Variants in DPY19L4 observed in about 807,000 individuals in gnomAD.
The protein encoded by DPY19L4 is dpy-19 like 4.
A neutral mutation model predicts 102.8 loss-of-function variants in DPY19L4; 97 were observed. The observed-to-expected ratio is 0.94, with a 90% CI of 0.80 to 1.12. DPY19L4 has a LOEUF of 1.12. Ranked by LOEUF, DPY19L4 falls within the 50% of genes most tolerant of loss-of-function variation. The pLI, the probability that DPY19L4 is intolerant of heterozygous loss-of-function variation, is 0.00. For missense variants in DPY19L4, 815 were observed against 850.4 expected (o/e 0.96, Z 0.52); for synonymous variants, 252 against 283.1 (o/e 0.89, Z 1.10).
At chr8:94,774,980 G>A (rs989259710) in intron 13 of DPY19L4, among the ~76,000 whole-genome samples, 29 of 152,074 alleles carry the variant, frequency 1.9e-4, no homozygotes, top group African/African-American at 6.8e-4. Context: ...TTAATGTCAC[G>A]TCATCAAATT....
At chr8:94,769,309 G>C (rs1007675277) in intron 12 of DPY19L4, among the ~76,000 whole-genome samples, 1 of 152,046 alleles carries the variant, frequency 6.6e-6, no homozygotes, top group Middle Eastern at 3.4e-3. Flanking sequence ...TGATCCACCC[G>C]TCTTGGCCTC....
intron 6 of DPY19L4, among the ~76,000 whole-genome samples, chr8:94,747,272 C>T (rs4734286): frequency 0.1 from 15,765 of 151,878 alleles, 923 homozygotes; most frequent in Non-Finnish European, 0.13. Context: ...AGGCTGGTCT[C>T]GAACTCCTGG....
rs1376017630 is a variant in DPY19L4, at chr8:94,781,125, A to G, written c.1674A>G (p.Glu558=). ...RLMTELMELQ[E]FYDPDTVELM... Reference sequence around the variant, plus strand: ...TGACAGAATTAATGGAACTACAGGAATTCTATGACCCAGATACAGTGGAAC... The same window carrying G: ...TGACAGAATTAATGGAACTACAGGAGTTCTATGACCCAGATACAGTGGAAC... The change falls in exon 16 of 19, where the codon GAA becomes GAG. Residue 558 remains glutamate (E), a synonymous_variant. Transcript: ENST00000414645. 6.3e-7 allele frequency: 1 copy of G among 1,599,480 alleles called. No homozygotes were observed. The highest frequency in any genetic ancestry group is 8.5e-7 in the Non-Finnish European group (1 of 1,176,646).
intron 7 of DPY19L4, among the ~76,000 whole-genome samples, chr8:94,758,130 G>T (rs1394136052): frequency 1.3e-5 from 2 of 151,872 alleles, no homozygotes; most frequent in Non-Finnish European, 2.9e-5. Context: ...ATAGAGTTTG[G>T]TATAGCAAAA....
chr8:94,754,686 G>A (rs543549304), intron 6 of DPY19L4, among the ~76,000 whole-genome samples: 1 of 152,320 alleles, frequency 6.6e-6, no homozygotes, highest in South Asian at 2.1e-4. Flanking sequence ...TTGCTGGATA[G>A]GTAGTCCCCT....
At chr8:94,775,565 G>A (rs757207617) in intron 13 of DPY19L4, among the ~76,000 whole-genome samples, 1 of 152,164 alleles carries the variant, frequency 6.6e-6, no homozygotes, top group Non-Finnish European at 1.5e-5. Flanking sequence ...GGCTTCAAAT[G>A]ATCCTACTGT....
rs202036194 is a variant in DPY19L4, at chr8:94,726,358, A to G, written c.44A>G (p.Lys15Arg). Residue 15 changes from lysine to arginine, a missense_variant, in exon 2 of 19, where the codon AAA becomes AGA. Transcript: ENST00000414645. ...EGPPVELRQR[K>R]KPKSSENKES... ...CCACCTGTAGAGCTGCGCCAAAGAA[A>G]AAAGCCAAAGTCTTCAGAAAATAAG... 264 of 1,611,432 alleles carry G rather than the reference A, an allele frequency of 1.6e-4. No individual in the cohort carries two copies. In the East Asian group the frequency reaches 3.5e-3, roughly 21 times the overall value.
chr8:94,731,621 G>A (rs1233688568), intron 2 of DPY19L4, among the ~76,000 whole-genome samples: 1 of 152,162 alleles, frequency 6.6e-6, no homozygotes, highest in African/African-American at 2.4e-5. Flanking sequence ...CACCATGTTG[G>A]CCATGGTTGG....
At position 94,720,071 on chromosome 8, in the gene DPY19L4, G is replaced by C. The variant is rs1196696528; in HGVS notation, c.16+57G>C. ...CTGCCAGTGGTCTCGGGAAGGAGGG[G>C]CGGGGGCGCTGGAGGTCTGGGTTGG... On this transcript the variant is annotated intron_variant, in intron 1 of 18. Transcript: ENST00000414645. 2.0e-6 allele frequency: 3 copies of C among 1,510,252 alleles called. No individual in the cohort carries two copies. The African/African-American group carries it at 4.3e-5, about 22-fold the overall frequency. 93.6% of individuals were successfully genotyped at this position (1,510,252 alleles called of 1,614,324 possible).
Position 94,738,408 on chromosome 8 carries a change from A to C in DPY19L4, c.292A>C (p.Ile98Leu), listed in dbSNP as rs776536808. The change falls in exon 4 of 19, where the codon ATT (isoleucine) becomes CTT (leucine). Residue 98 changes from isoleucine (I) to leucine (L), a missense_variant. Ile to Leu is a conservative substitution (Grantham distance 5). Transcript: ENST00000414645. ...AATCACGTTTCAGGGTGACAGTGCC[A>C]TTTATTACTCCTATTATAAAGATAT... ...REITFQGDSA[I>L]YYSYYKDMLK... The C allele has an allele frequency of 8.3e-6, 13 of 1,559,558 alleles. No individual in the cohort carries two copies. In the East Asian group the frequency reaches 1.9e-4, roughly 23 times the overall value.
rs1279663381 is a variant in DPY19L4 at position 94,777,705 on chromosome 8, A to G, written c.1494A>G (p.Ala498=). Residue 498 remains alanine, a synonymous_variant, in exon 14 of 19, where the codon GCA becomes GCG. Transcript: ENST00000414645. The part of the protein sequence containing the change: ...YIWIPYVCML[A]AFGVCSPELW... ...GGATTCCTTATGTGTGCATGTTAGC[A>G]GCATTTGGTGTATGTTCTCCCGAAC... The G allele has an allele frequency of 3.1e-6, 5 of 1,613,970 alleles. No individual in the cohort carries two copies. Among genetic ancestry groups the G allele is most frequent in the Middle Eastern group, 3.3e-4 (2 of 6,084 alleles).
intron 3 of DPY19L4, among the ~76,000 whole-genome samples, chr8:94,737,427 C>T (rs1309194460): frequency 6.6e-6 from 1 of 151,892 alleles, no homozygotes; most frequent in Non-Finnish European, 1.5e-5. Context: ...CCACCCACTT[C>T]GGCCTCCGAA....
Position 94,785,234 on chromosome 8 carries a change from A to G in DPY19L4, c.1848+1432A>G, listed in dbSNP as rs184274588. On this transcript the variant is annotated intron_variant, in intron 17 of 18. Coordinates refer to ENST00000414645, the MANE Select transcript of DPY19L4 (RefSeq NM_181787.3). Reference sequence around the variant, plus strand: ...AATGAGATAATGTACAATGCCTGAAACACAGTAAAATTTTAAAGTTTGCTA... The same window carrying G: ...AATGAGATAATGTACAATGCCTGAAGCACAGTAAAATTTTAAAGTTTGCTA... 2.5e-3 allele frequency among the ~76,000 whole-genome samples: 377 copies of G among 152,288 alleles called. 4 individuals carry two copies. Among genetic ancestry groups the G allele is most frequent in the African/African-American group, 8.5e-3 (355 of 41,544 alleles).
chr8:94,768,463 G>T lies in DPY19L4; in HGVS notation c.1244G>T (p.Arg415Leu). 1 of 1,606,416 alleles carries T rather than the reference G, an allele frequency of 6.2e-7. No homozygotes were observed. The highest frequency in any genetic ancestry group is 8.5e-7 in the Non-Finnish European group (1 of 1,175,730). ...GCACCATCTCAAGATTTTTTTCTGC[G>T]ATTGACACAGTCTTCTTTATTACCT... ...LQAPSQDFFLRLTQSSLLPFY... is the reference protein window; with the variant it reads ...LQAPSQDFFLLLTQSSLLPFY... Residue 415 changes from arginine (R) to leucine (L), a missense_variant, in exon 12 of 19, where the codon CGA (arginine) becomes CTA (leucine). Arg to Leu is a moderately radical substitution (Grantham distance 102, BLOSUM62 -2). Coordinates refer to ENST00000414645, the MANE Select transcript of DPY19L4 (RefSeq NM_181787.3).
intron 8 of DPY19L4, among the ~76,000 whole-genome samples, chr8:94,762,578 G>A (rs4524755): frequency 0.16 from 24,186 of 152,060 alleles, 2,051 homozygotes; most frequent in Admixed American, 0.21. Flanking sequence ...TAACTGGCAC[G>A]CATCTGTAGA....
chr8:94,774,860 A>G (rs1025676145), intron 13 of DPY19L4, among the ~76,000 whole-genome samples: 2 of 152,048 alleles, frequency 1.3e-5, no homozygotes, highest in Non-Finnish European at 2.9e-5. Context: ...TACAGCCATG[A>G]GCCACCGCGC....
At chr8:94,755,241 T>TA (rs568192025) in intron 6 of DPY19L4, among the ~76,000 whole-genome samples, 21 of 152,244 alleles carry the variant, frequency 1.4e-4, no homozygotes, top group Non-Finnish European at 3.1e-4. Flanking sequence ...TTATGCCACC[T>TA]ACTAGCTGGA....
chr8:94,779,259 A>G (rs1813324597), intron 14 of DPY19L4, among the ~76,000 whole-genome samples: 11 of 148,542 alleles, frequency 7.4e-5, no homozygotes, highest in Admixed American at 6.7e-4. Flanking sequence ...TAAATAACTT[A>G]CTTGAGATTA....
chr8:94,793,771 T>G lies in DPY19L4; in HGVS notation c.*3861T>G, dbSNP rs1178226893. The G allele has an allele frequency of 6.6e-6, 1 of 152,210 alleles. No homozygotes were observed. Among genetic ancestry groups the G allele is most frequent in the Non-Finnish European group, 1.5e-5 (1 of 68,022 alleles). The allele number at this position is 152,210 out of a possible 1,614,324, so 9.4% of individuals were successfully genotyped here. A position where few individuals can be genotyped will look rare whatever the true frequency, so the allele number is the denominator to read the frequency against. On this transcript the variant is annotated 3_prime_UTR_variant, in exon 19 of 19. Coordinates refer to ENST00000414645, the MANE Select transcript of DPY19L4 (RefSeq NM_181787.3). ...ATAAAGGAATATATATGACAATTAT[T>G]TTCTGTACATTAATGTCTAAACATT...
Sources: gnomAD v4.1 joint callset for allele counts (sites outside exome capture counted in the v4.1 genomes callset) on GRCh38, gnomAD v4.1.1 for gene constraint, MANE v1.5 for transcripts, NCBI Gene and HGNC (gene_info 2026-07-23, HGNC 2026-07-21) for gene names.